Variants in SLC14A2 observed in about 807,000 individuals in gnomAD.
SLC14A2 encodes solute carrier family 14 member 2.
SLC14A2 carries 91 observed loss-of-function variants against 104.6 expected under a neutral mutation model. The observed-to-expected ratio is 0.87, with a 90% CI of 0.73 to 1.04. SLC14A2 has a LOEUF of 1.04. SLC14A2 is among the 50% of genes least tolerant of loss of function. The probability of loss-of-function intolerance (pLI) is 0.00; values close to 1 mark genes in which losing one functional copy is unlikely to be tolerated. For missense variants in SLC14A2, 1,189 were observed against 1,156.0 expected, an observed-to-expected ratio of 1.03 and a Z score of -0.41; for synonymous variants, 476 against 466.4, an observed-to-expected ratio of 1.02 and a Z score of -0.27.
At chr18:45,373,681 G>A (rs1014008198) in intron 1 of SLC14A2, among the ~76,000 whole-genome samples, 3 of 152,138 alleles carry the variant, frequency 2.0e-5, no homozygotes, top group Non-Finnish European at 4.4e-5. Context: ...AATGGCCCAC[G>A]GTCAAAGTAT....
chr18:45,590,331 C>A (rs1277520705), intron 2 of SLC14A2, among the ~76,000 whole-genome samples: 3 of 152,106 alleles, frequency 2.0e-5, no homozygotes, highest in African/African-American at 7.2e-5. Flanking sequence ...TTGTTTTTTG[C>A]ATAAACTCAC....
chr18:45,332,179 A>G (rs920848265), intron 1 of SLC14A2, among the ~76,000 whole-genome samples: 4 of 152,186 alleles, frequency 2.6e-5, no homozygotes, highest in African/African-American at 9.7e-5. Context: ...CTCCTTGGCA[A>G]TCAGTTCTGG....
At chr18:45,571,368 A>G (rs888210966) in intron 2 of SLC14A2, among the ~76,000 whole-genome samples, 2 of 152,218 alleles carry the variant, frequency 1.3e-5, no homozygotes, top group African/African-American at 4.8e-5. Flanking sequence ...TTCTCTGGAA[A>G]GCTGTCCACA....
intron 1 of SLC14A2, among the ~76,000 whole-genome samples, chr18:45,252,783 C>T (rs1005666400): frequency 1.5e-5 from 2 of 134,606 alleles, no homozygotes; most frequent in Admixed American, 1.5e-4. Flanking sequence ...ATACTCATAG[C>T]AATATTGACT....
intron 1 of SLC14A2, among the ~76,000 whole-genome samples, chr18:45,234,865 T>C (rs1157288108): frequency 6.6e-6 from 1 of 152,142 alleles, no homozygotes; most frequent in Admixed American, 6.5e-5. Context: ...TCAAAATACA[T>C]GTTTCTTTAT....
chr18:45,296,806 G>C (rs1235168743), intron 1 of SLC14A2, among the ~76,000 whole-genome samples: 1 of 144,782 alleles, frequency 6.9e-6, no homozygotes, highest in Non-Finnish European at 1.5e-5. Flanking sequence ...CTTTCTGAAT[G>C]TATTTTTCCC....
At chr18:45,266,255 G>T (rs1383589779) in intron 1 of SLC14A2, among the ~76,000 whole-genome samples, 1 of 152,126 alleles carries the variant, frequency 6.6e-6, no homozygotes, top group Non-Finnish European at 1.5e-5. Context: ...AATGAGCTAA[G>T]AGAGGAAGTG....
chr18:45,452,792 T>G (rs940271316), intron 1 of SLC14A2, among the ~76,000 whole-genome samples: 4 of 152,088 alleles, frequency 2.6e-5, no homozygotes, highest in African/African-American at 7.2e-5. Context: ...ACATAAAAAA[T>G]AGCTACACGG....
At chr18:45,225,974 A>G (rs2084111824) in intron 1 of SLC14A2, among the ~76,000 whole-genome samples, 1 of 152,208 alleles carries the variant, frequency 6.6e-6, no homozygotes, top group Non-Finnish European at 1.5e-5. Flanking sequence ...AATTTACAAG[A>G]AAAAATGAAA....
intron 2 of SLC14A2, among the ~76,000 whole-genome samples, chr18:45,527,671 A>G (rs1001232365): frequency 1.3e-5 from 2 of 152,240 alleles, no homozygotes; most frequent in African/African-American, 4.8e-5. Flanking sequence ...AGCCATGTCC[A>G]TTAGGCAAAT....
chr18:45,501,101 G>C (rs1321228012), intron 2 of SLC14A2, among the ~76,000 whole-genome samples: 3 of 152,182 alleles, frequency 2.0e-5, no homozygotes, highest in Admixed American at 2.0e-4. Context: ...TCTAGTATGT[G>C]TGTATTGTCC....
At chr18:45,173,002 AG>A in the SLC14A2 span, among the ~76,000 whole-genome samples, 19 of 152,252 alleles carry the variant, frequency 1.2e-4, 1 homozygote, top group Non-Finnish European at 1.0e-4. Context: ...GGATGAGGCA[AG>A]GCATAAAGAA....
chr18:45,291,024 A>G (rs2144166414), intron 1 of SLC14A2, among the ~76,000 whole-genome samples: 1 of 152,330 alleles, frequency 6.6e-6, no homozygotes, highest in East Asian at 1.9e-4. Flanking sequence ...TAAATGTTAG[A>G]GAATTTTGAA....
chr18:45,510,806 C>T (rs1439268255), intron 2 of SLC14A2, among the ~76,000 whole-genome samples: 1 of 152,206 alleles, frequency 6.6e-6, no homozygotes, highest in Non-Finnish European at 1.5e-5. Context: ...GCAGCATTTC[C>T]AGCTGGCATT....
At chr18:45,614,761 C>T (rs1474656656), upstream of SLC14A2, 2 of 151,384 alleles carry the variant, frequency 1.3e-5, no homozygotes, top group Non-Finnish European at 2.9e-5. Context: ...ATGCCTCCTG[C>T]ACCCCCACTG....
chr18:45,622,438 G>A (rs2045187298), intron 1 of SLC14A2, among the ~76,000 whole-genome samples: 1 of 152,140 alleles, frequency 6.6e-6, no homozygotes, highest in Non-Finnish European at 1.5e-5. Flanking sequence ...GCAAATTAAG[G>A]CACTTGGAAC....
chr18:45,376,018 A>G (rs545681216), intron 1 of SLC14A2, among the ~76,000 whole-genome samples: 3 of 151,022 alleles, frequency 2.0e-5, no homozygotes, highest in African/African-American at 7.3e-5. Flanking sequence ...ACCATTGCCC[A>G]ATTTGGAAGA....
At position 45,636,269 on chromosome 18, in the gene SLC14A2, G is replaced by A. The variant is rs545551378; in HGVS notation, c.651-721G>A. Among the ~76,000 whole-genome samples, 3 of 152,340 alleles carry A rather than the reference G, an allele frequency of 2.0e-5. No homozygotes were observed. The South Asian group carries it at 6.2e-4, about 32-fold the overall frequency. On this transcript the variant is annotated intron_variant, in intron 5 of 19. Coordinates refer to ENST00000255226, the MANE Select transcript of SLC14A2 (RefSeq NM_007163.4). ...CAGCAGGTCACTGAGTGTGGATGATGTGGGGTATTTGGTGTCTAGGGTGGC... is the reference window on the plus strand; with the variant it reads ...CAGCAGGTCACTGAGTGTGGATGATATGGGGTATTTGGTGTCTAGGGTGGC...
At chr18:45,378,408 A>C (rs111952346) in intron 1 of SLC14A2, among the ~76,000 whole-genome samples, 2 of 152,344 alleles carry the variant, frequency 1.3e-5, no homozygotes, top group African/African-American at 4.8e-5. Flanking sequence ...TTGAGCTTGG[A>C]TGGCCATCCC....
Sources: allele counts gnomAD v4.1 joint callset (sites outside exome capture counted in the v4.1 genomes callset), GRCh38; gene constraint gnomAD v4.1.1; transcripts MANE v1.5; gene names NCBI Gene and HGNC (gene_info 2026-07-23, HGNC 2026-07-21).